CCSER1: variants seen among roughly 807,000 people sequenced by gnomAD.
The protein encoded by CCSER1 is coiled-coil serine rich protein 1.
In CCSER1, 41 loss-of-function variants were observed where a neutral mutation model predicts 82.0. That is an observed-to-expected ratio of 0.50 (90% confidence interval 0.39 to 0.65). The LOEUF (loss-of-function observed/expected upper bound fraction) is 0.65, where lower values mean the gene tolerates loss of function less well. Among genes scored for constraint, CCSER1 ranks in the 30% least tolerant of loss-of-function variants. The pLI is 0.00. For missense variants in CCSER1, 1,119 were observed against 1,064.2 expected (o/e 1.05, Z -0.72); for synonymous variants, 414 against 383.9 (o/e 1.08, Z -0.92).
chr4:90,514,825 A>G (rs1772037408), intron 5 of CCSER1, among the ~76,000 whole-genome samples: 1 of 152,132 alleles, frequency 6.6e-6, no homozygotes, highest in African/African-American at 2.4e-5. Context: ...GTGTATGAAT[A>G]TATAATTCAT....
chr4:91,490,478 A>AATAC (rs1412040093), intron 10 of CCSER1, among the ~76,000 whole-genome samples: 1 of 152,082 alleles, frequency 6.6e-6, no homozygotes, highest in Non-Finnish European at 1.5e-5. Flanking sequence ...TGTTAATTGG[A>AATAC]ATACACCAGG....
intron 9 of CCSER1, among the ~76,000 whole-genome samples, chr4:91,013,236 T>C (rs1739142319): frequency 7.4e-6 from 1 of 134,286 alleles, no homozygotes; most frequent in African/African-American, 2.5e-5. Flanking sequence ...TTTGACTTGA[T>C]TTTTATGTAT....
At chr4:90,919,113 AGGACTTAGTATG>A (rs1728003134) in intron 8 of CCSER1, among the ~76,000 whole-genome samples, 1 of 140,318 alleles carries the variant, frequency 7.1e-6, no homozygotes. Flanking sequence ...AAAAAAAAAA[AGGACTTAGTATG>A]AATCTGCAAG....
At chr4:90,501,053 G>T (rs1223387482) in intron 5 of CCSER1, among the ~76,000 whole-genome samples, 1 of 151,946 alleles carries the variant, frequency 6.6e-6, no homozygotes, top group Non-Finnish European at 1.5e-5. Context: ...TTTCACTCTT[G>T]TCATTTTAAT....
intron 10 of CCSER1, among the ~76,000 whole-genome samples, chr4:91,348,865 G>A (rs1748253945): frequency 6.6e-6 from 1 of 151,980 alleles, no homozygotes; most frequent in South Asian, 2.1e-4. Context: ...GCTAGAGGTT[G>A]AAACAGATTT....
chr4:90,686,228 C>T (rs1221372447), intron 6 of CCSER1, among the ~76,000 whole-genome samples: 2 of 152,000 alleles, frequency 1.3e-5, no homozygotes, highest in South Asian at 2.1e-4. Context: ...CCCTCTCTCT[C>T]GACCCTGTCA....
intron 10 of CCSER1, among the ~76,000 whole-genome samples, chr4:91,190,118 C>G (rs1454147325): frequency 6.6e-6 from 1 of 152,188 alleles, no homozygotes; most frequent in African/African-American, 2.4e-5. Flanking sequence ...TTATCCTAAT[C>G]CAAATCCTCT....
intron 9 of CCSER1, among the ~76,000 whole-genome samples, chr4:90,958,121 A>C (rs1007930438): frequency 1.3e-5 from 2 of 152,288 alleles, no homozygotes; most frequent in Non-Finnish European, 2.9e-5. Context: ...TATGGGATGC[A>C]TCAAGTTTTA....
At chr4:90,967,235 G>A (rs1284487672) in intron 9 of CCSER1, among the ~76,000 whole-genome samples, 2 of 151,924 alleles carry the variant, frequency 1.3e-5, no homozygotes, top group African/African-American at 4.8e-5. Flanking sequence ...ATCAGCTGAG[G>A]TGAGGAATTC....
At chr4:91,177,519 G>T (rs1733525555) in intron 10 of CCSER1, among the ~76,000 whole-genome samples, 1 of 152,164 alleles carries the variant, frequency 6.6e-6, no homozygotes, top group Non-Finnish European at 1.5e-5. Flanking sequence ...TCTATTCAGG[G>T]ATTCAACTTC....
intron 10 of CCSER1, among the ~76,000 whole-genome samples, chr4:91,162,340 TA>T (rs1731507816): frequency 6.6e-6 from 1 of 152,236 alleles, no homozygotes; most frequent in Non-Finnish European, 1.5e-5. Context: ...TCCAGTATTT[TA>T]TTGAGGATTT....
At chr4:90,168,588 C>G (rs1477277089) in intron 1 of CCSER1, among the ~76,000 whole-genome samples, 2 of 152,112 alleles carry the variant, frequency 1.3e-5, no homozygotes, top group African/African-American at 4.8e-5. Context: ...AGGTTTTCTT[C>G]TAGGGTTTTT....
At chr4:91,173,103 T>C (rs1581704410) in intron 10 of CCSER1, among the ~76,000 whole-genome samples, 3 of 152,336 alleles carry the variant, frequency 2.0e-5, no homozygotes, top group South Asian at 2.1e-4. Flanking sequence ...GAAATGTTTA[T>C]GGAATCAACA....
At chr4:90,825,082 A>G (rs892658037) in intron 8 of CCSER1, among the ~76,000 whole-genome samples, 19 of 152,194 alleles carry the variant, frequency 1.2e-4, no homozygotes, top group African/African-American at 3.1e-4. Flanking sequence ...TTAATATTCA[A>G]TGGAATTTGC....
intron 5 of CCSER1, among the ~76,000 whole-genome samples, chr4:90,607,628 A>T (rs180704612): frequency 9.9e-5 from 15 of 152,174 alleles, no homozygotes; most frequent in African/African-American, 3.4e-4. Flanking sequence ...CTGTAATACC[A>T]GTTATGTTCG....
At chr4:90,967,452 GA>G (rs967748655) in intron 9 of CCSER1, among the ~76,000 whole-genome samples, 5 of 144,998 alleles carry the variant, frequency 3.4e-5, no homozygotes, top group African/African-American at 5.1e-5. Context: ...TTGTCTCAAA[GA>G]AAAAAAAAAG....
chr4:90,811,728 C>T (rs1251544656), intron 7 of CCSER1, among the ~76,000 whole-genome samples: 4 of 151,762 alleles, frequency 2.6e-5, no homozygotes, highest in Admixed American at 6.6e-5. Flanking sequence ...CTTAAGGTGG[C>T]GGAAGAGGAT....
intron 7 of CCSER1, among the ~76,000 whole-genome samples, chr4:90,765,587 G>A (rs746771833): frequency 5.9e-5 from 9 of 151,852 alleles, no homozygotes; most frequent in African/African-American, 1.7e-4. Context: ...TCCATTTTTC[G>A]TCTCATATAA....
chr4:90,565,165 G>A (rs1779214869), intron 5 of CCSER1, among the ~76,000 whole-genome samples: 1 of 151,422 alleles, frequency 6.6e-6, no homozygotes, highest in South Asian at 2.1e-4. Flanking sequence ...ATGAACATGT[G>A]AGATCTTTTC....
Sources: allele counts gnomAD v4.1 joint callset (sites outside exome capture counted in the v4.1 genomes callset), GRCh38; gene constraint gnomAD v4.1.1; transcripts MANE v1.5; gene names NCBI Gene and HGNC (gene_info 2026-07-23, HGNC 2026-07-21).